The following ADAMTSL1 variants were observed in gnomAD, a reference collection of about 807,000 sequenced individuals.
The protein encoded by ADAMTSL1 is ADAMTS like 1, also known as ADAMTS-like protein 1.
ADAMTSL1 carries 126 observed loss-of-function variants against 201.8 expected under a neutral mutation model. The ratio of observed to expected loss-of-function variants is 0.62; its 90% confidence interval spans 0.54 to 0.72. ADAMTSL1 has a LOEUF of 0.72. Ranked by LOEUF, ADAMTSL1 falls within the 30% of genes least tolerant of loss-of-function variation. ADAMTSL1 has a pLI of 0.00. For synonymous variants in ADAMTSL1, 1,121 were observed against 903.4 expected, an observed-to-expected ratio of 1.24 and a Z score of -4.32; for missense variants, 2,679 against 2,277.8, an observed-to-expected ratio of 1.18 and a Z score of -3.59.
chr9:18,888,349 G>A (rs913853248), intron 24 of ADAMTSL1, among the ~76,000 whole-genome samples: 3 of 152,232 alleles, frequency 2.0e-5, no homozygotes, highest in Non-Finnish European at 4.4e-5. Context: ...AAAGTCAGAT[G>A]TGATTCTTTT....
chr9:18,032,378 C>G lies in ADAMTSL1; in HGVS notation c.87+125456C>G, dbSNP rs149061401. Among the ~76,000 whole-genome samples, 987 of 152,316 alleles carry G rather than the reference C, an allele frequency of 6.5e-3. 5 individuals are homozygous for G. The highest frequency in any genetic ancestry group is 0.037 in the Middle Eastern group (11 of 294). On this transcript the variant is annotated intron_variant, in intron 1 of 29. Transcript: ENST00000680146. ...AGCTTTGTCCTCTGGACCCTCAGGA[C>G]TGAGTACTGGCTGTGCTGAGGAGTC...
At chr9:18,075,762 A>G (rs190680535) in intron 1 of ADAMTSL1, among the ~76,000 whole-genome samples, 12 of 152,348 alleles carry the variant, frequency 7.9e-5, no homozygotes, top group African/African-American at 2.9e-4. Context: ...CCAAGGCTGA[A>G]TTAGTGCTGA....
intron 2 of ADAMTSL1, among the ~76,000 whole-genome samples, chr9:18,332,869 A>G (rs1162483703): frequency 6.6e-6 from 1 of 152,160 alleles, no homozygotes; most frequent in Admixed American, 6.6e-5. Flanking sequence ...ACACACCTGA[A>G]TTTAAAATCC....
chr9:18,620,015 ATTTT>A (rs35177614), intron 4 of ADAMTSL1, among the ~76,000 whole-genome samples: 3 of 101,254 alleles, frequency 3.0e-5, no homozygotes, highest in Non-Finnish European at 3.9e-5. Context: ...CAGTTTTCTG[ATTTT>A]TTTTTTTTTT....
At chr9:18,607,681 C>G (rs1217555165) in intron 4 of ADAMTSL1, among the ~76,000 whole-genome samples, 1 of 151,956 alleles carries the variant, frequency 6.6e-6, no homozygotes, top group African/African-American at 2.4e-5. Context: ...CACCCATTAA[C>G]TCATCATTTA....
chr9:18,331,132 T>C (rs1835012060), intron 2 of ADAMTSL1, among the ~76,000 whole-genome samples: 1 of 152,008 alleles, frequency 6.6e-6, no homozygotes, highest in Non-Finnish European at 1.5e-5. Context: ...GCAACAAAGG[T>C]GTAAGACAAA....
chr9:18,878,624 C>G (rs1828324284), intron 23 of ADAMTSL1, among the ~76,000 whole-genome samples: 1 of 152,228 alleles, frequency 6.6e-6, no homozygotes, highest in South Asian at 2.1e-4. Flanking sequence ...TTTGGGCACT[C>G]CCAGTTTTTT....
rs529824435 is a variant in ADAMTSL1, at chr9:18,851,939, A to G, written c.4249+21962A>G. Among the ~76,000 whole-genome samples the G allele has an allele frequency of 3.3e-5, 5 of 152,314 alleles. No homozygotes were observed. In the East Asian group the frequency reaches 7.7e-4, roughly 24 times the overall value. Reference sequence around the variant, plus strand: ...TCACCAGCTTCAGGTGTTTTCTCCTAGGAGACTGCCTTTCCCTGGCACTGG... The same window carrying G: ...TCACCAGCTTCAGGTGTTTTCTCCTGGGAGACTGCCTTTCCCTGGCACTGG... On this transcript the variant is annotated intron_variant, in intron 23 of 28. Transcript: ENST00000380548.
chr9:18,862,611 T>C (rs1317698809), intron 23 of ADAMTSL1, among the ~76,000 whole-genome samples: 1 of 152,224 alleles, frequency 6.6e-6, no homozygotes, highest in Non-Finnish European at 1.5e-5. Context: ...GTGTGCGTGA[T>C]AGATAAGTAT....
intron 2 of ADAMTSL1, among the ~76,000 whole-genome samples, chr9:18,290,175 G>T (rs58809159): frequency 6.6e-6 from 1 of 152,052 alleles, no homozygotes; most frequent in East Asian, 1.9e-4. Flanking sequence ...AACCCTCCAC[G>T]TTCCTTGATA....
At chr9:18,634,369 G>C (rs575227526) in intron 5 of ADAMTSL1, among the ~76,000 whole-genome samples, 1 of 151,914 alleles carries the variant, frequency 6.6e-6, no homozygotes, top group South Asian at 2.1e-4. Flanking sequence ...TTCAAGACAA[G>C]CGTGGGCAAC....
At chr9:18,785,406 C>A (rs960041393) in intron 19 of ADAMTSL1, among the ~76,000 whole-genome samples, 1 of 152,172 alleles carries the variant, frequency 6.6e-6, no homozygotes, top group Non-Finnish European at 1.5e-5. Context: ...GCCTTTTCTT[C>A]TACTGATAGC....
At chr9:18,085,509 C>CATATATATATATATACTGTGTGTGCAT (rs140122832) in intron 1 of ADAMTSL1, among the ~76,000 whole-genome samples, 1 of 145,024 alleles carries the variant, frequency 6.9e-6, no homozygotes, top group African/African-American at 2.6e-5. Context: ...ACTGTGTGTG[C>CATATATATATATATACTGTGTGTGCAT]ATATATATAT....
chr9:18,552,714 A>T (rs1564040220), intron 3 of ADAMTSL1, among the ~76,000 whole-genome samples: 1 of 151,678 alleles, frequency 6.6e-6, no homozygotes, highest in Non-Finnish European at 1.5e-5. Flanking sequence ...TATTAGGTAG[A>T]TATACATTTA....
At chr9:18,449,561 A>G (rs1820325239) in intron 2 of ADAMTSL1, among the ~76,000 whole-genome samples, 1 of 152,216 alleles carries the variant, frequency 6.6e-6, no homozygotes. Context: ...TTATTTTGAT[A>G]AAATGATATT....
chr9:18,860,262 G>C (rs550663824), intron 23 of ADAMTSL1, among the ~76,000 whole-genome samples: 1 of 152,280 alleles, frequency 6.6e-6, no homozygotes, highest in South Asian at 2.1e-4. Context: ...GGCAGTTAGT[G>C]GTTTTACTAG....
At chr9:18,674,537 G>A (rs965635663) in intron 9 of ADAMTSL1, among the ~76,000 whole-genome samples, 1 of 151,490 alleles carries the variant, frequency 6.6e-6, no homozygotes, top group African/African-American at 2.4e-5. Flanking sequence ...CCACACTCAC[G>A]GCTCACTGTT....
intron 7 of ADAMTSL1, among the ~76,000 whole-genome samples, chr9:18,652,385 G>GAA (rs374812767): frequency 7.6e-6 from 1 of 132,190 alleles, no homozygotes; most frequent in Admixed American, 7.8e-5. Context: ...AAAAAAAAAG[G>GAA]AAAAAAAAAG....
At chr9:18,591,699 G>T (rs956672205) in intron 4 of ADAMTSL1, among the ~76,000 whole-genome samples, 1 of 152,076 alleles carries the variant, frequency 6.6e-6, no homozygotes, top group Non-Finnish European at 1.5e-5. Context: ...ACTGTAACTA[G>T]GCTCAAACAC....
Sources: gnomAD v4.1 joint callset for allele counts (sites outside exome capture counted in the v4.1 genomes callset) on GRCh38, gnomAD v4.1.1 for gene constraint, MANE v1.5 for transcripts, NCBI Gene and HGNC (gene_info 2026-07-23, HGNC 2026-07-21) for gene names.